PNPLA3: variants seen among roughly 807,000 people sequenced by gnomAD.
PNPLA3 encodes the protein 1-acylglycerol-3-phosphate O-acyltransferase PNPLA3.
A neutral mutation model predicts 43.1 loss-of-function variants in PNPLA3; 42 were observed. The observed-to-expected ratio is 0.97, with a 90% CI of 0.76 to 1.26. The LOEUF (loss-of-function observed/expected upper bound fraction) is 1.26. Among genes scored for constraint, PNPLA3 ranks in the 50% most tolerant of loss-of-function variants. PNPLA3 has a pLI of 0.00. For missense variants in PNPLA3, 647 were observed against 621.4 expected, an observed-to-expected ratio of 1.04 and a Z score of -0.44; for synonymous variants, 272 against 253.6, an observed-to-expected ratio of 1.07 and a Z score of -0.69.
intron 1 of PNPLA3, among the ~76,000 whole-genome samples, chr22:43,924,652 C>CT (rs537111274): frequency 0.013 from 1,938 of 145,200 alleles, 19 homozygotes; most frequent in South Asian, 0.021. Context: ...TTCTTTTTTT[C>CT]TTTTTTTTTT....
At chr22:43,924,204 G>T in intron 1 of PNPLA3, 106 bp downstream of exon 1, 2 of 1,260,370 alleles carry the variant, frequency 1.6e-6, no homozygotes, top group Non-Finnish European at 2.1e-6. Context: ...AGCGGGCATC[G>T]GACGCGGACA....
chr22:43,939,240 C>A, intron 6 of PNPLA3: 1 of 349,896 alleles, frequency 2.9e-6, no homozygotes, highest in Non-Finnish European at 4.0e-6. Context: ...GTAGCTGTTT[C>A]TGTGCACATT....
intron 5 of PNPLA3, among the ~76,000 whole-genome samples, chr22:43,935,898 C>T (rs13056638): frequency 4.6e-5 from 7 of 151,836 alleles, no homozygotes; most frequent in Admixed American, 1.3e-4. Context: ...GGACAGGAAG[C>T]GAGATACCAG....
intron 7 of PNPLA3, among the ~76,000 whole-genome samples, chr22:43,943,633 T>A (rs1239218551): frequency 6.6e-6 from 1 of 152,230 alleles, no homozygotes; most frequent in East Asian, 1.9e-4. Flanking sequence ...CTCGTAAGGC[T>A]GCGCTTGTAC....
At chr22:43,942,980 G>A (rs564374248) in intron 7 of PNPLA3, among the ~76,000 whole-genome samples, 9 of 152,036 alleles carry the variant, frequency 5.9e-5, no homozygotes, top group Non-Finnish European at 1.2e-4. Context: ...TTGGATTCCT[G>A]TCTCCGTGTC....
intron 7 of PNPLA3, among the ~76,000 whole-genome samples, chr22:43,942,701 CTTTTTTT>C (rs398037291): frequency 2.2e-4 from 25 of 113,680 alleles, no homozygotes; most frequent in Admixed American, 5.4e-4. Context: ...TTTCTTTTTT[CTTTTTTT>C]TTTTTTTTTT....
Position 43,924,027 on chromosome 22 carries a change from A to G in PNPLA3, c.116A>G (p.Asp39Gly). 6.3e-7 allele frequency: 1 copy of G among 1,582,006 alleles called. No individual in the cohort carries two copies. The highest frequency in any genetic ancestry group is 8.5e-7 in the Non-Finnish European group (1 of 1,172,990). The change falls in exon 1 of 9, where the codon GAC becomes GGC. Residue 39 changes from aspartate (D) to glycine (G), a missense_variant. Transcript: ENST00000216180. The part of the protein sequence containing the change: ...LSEHAPHLLR[D>G]ARMLFGASAG... Reference sequence around the variant, plus strand: ...GAGCACGCCCCGCACCTCCTCCGCGACGCGCGCATGTTGTTCGGCGCTTCG... The same window carrying G: ...GAGCACGCCCCGCACCTCCTCCGCGGCGCGCGCATGTTGTTCGGCGCTTCG...
At chr22:43,930,228 A>G (rs2049953262) in intron 3 of PNPLA3, among the ~76,000 whole-genome samples, 1 of 152,134 alleles carries the variant, frequency 6.6e-6, no homozygotes, top group Admixed American at 6.5e-5. Flanking sequence ...GGAACTTGAG[A>G]GTCATACTTG....
chr22:43,946,424 C>T lies in PNPLA3; in HGVS notation c.*42C>T. On this transcript the variant is annotated 3_prime_UTR_variant, in exon 9 of 9. Transcript: ENST00000216180. ...AGTCTAGCAGATTCTTTCAGAGGTG[C>T]TAAAGTTTCCCATCTTTGTGCAGCT... The T allele has an allele frequency of 1.3e-6, 2 of 1,570,070 alleles. No homozygotes were observed. Among genetic ancestry groups the T allele is most frequent in the Non-Finnish European group, 8.8e-7 (1 of 1,140,362 alleles).
chr22:43,929,682 C>T lies in PNPLA3; in HGVS notation c.486+793C>T, dbSNP rs2049949243. On this transcript the variant is annotated intron_variant, in intron 3 of 8. Transcript: ENST00000216180. Reference sequence around the variant, plus strand: ...TGCAATCTCGGCTCACTGCAACCTCCACCTCACAGGTTCAGGCAATTCTCC... The same window carrying T: ...TGCAATCTCGGCTCACTGCAACCTCTACCTCACAGGTTCAGGCAATTCTCC... Among the ~76,000 whole-genome samples, 5 of 150,024 alleles carry T rather than the reference C, an allele frequency of 3.3e-5. No homozygotes were observed. In the South Asian group the frequency reaches 1.1e-3, roughly 32 times the overall value.
rs746640250 is a variant in PNPLA3 at position 43,947,450 on chromosome 22, C to T, written c.*1068C>T. On this transcript the variant is annotated 3_prime_UTR_variant, in exon 9 of 9. Coordinates refer to ENST00000216180, the MANE Select transcript of PNPLA3 (RefSeq NM_025225.3). ...AGGAGCCAAGCACAGCAGGAGCTTC[C>T]GCCTCCTCTCCACTGGAGCACACAA... is the stretch of plus-strand genomic sequence containing the variant. The T allele has an allele frequency of 5.6e-4, 88 of 157,366 alleles. No individual in the cohort carries two copies. Among genetic ancestry groups the T allele is most frequent in the Admixed American group, 9.1e-4 (14 of 15,376 alleles). 9.7% of individuals were successfully genotyped at this position (157,366 alleles called of 1,614,324 possible). A position where few individuals can be genotyped will look rare whatever the true frequency, so the allele number is the denominator to read the frequency against.
intron 4 of PNPLA3, 122 bp from the exon 5 acceptor site, chr22:43,934,484 C>T (rs2049982311): frequency 9.7e-7 from 1 of 1,029,388 alleles, no homozygotes; most frequent in Admixed American, 1.9e-5. Context: ...GCTCAGTGCC[C>T]CCAGCCAGCA....
Position 43,926,949 on chromosome 22 carries a change from G to T in PNPLA3, c.202G>T (p.Val68Phe), listed in dbSNP as rs1340797251. 5.0e-6 allele frequency: 8 copies of T among 1,614,154 alleles called. No individual in the cohort carries two copies. The highest frequency in any genetic ancestry group is 6.8e-6 in the Non-Finnish European group (8 of 1,179,994). Reference sequence around the variant, plus strand: ...CCTGTCCCCAGAGCAGACTCTGCAGGTCCTCTCAGATCTTGTGCGGAAGGC... The same window carrying T: ...CCTGTCCCCAGAGCAGACTCTGCAGTTCCTCTCAGATCTTGTGCGGAAGGC... ...SGIPLEQTLQ[V>F]LSDLVRKARS... The change falls in exon 2 of 9, where the codon GTC becomes TTC. Residue 68 changes from valine to phenylalanine, a missense_variant. Transcript: ENST00000216180.
Position 43,946,453 on chromosome 22 carries a change from T to A in PNPLA3, c.*71T>A. 7.2e-7 allele frequency: 1 copy of A among 1,395,900 alleles called. No individual in the cohort carries two copies. The highest frequency in any genetic ancestry group is 1.0e-6 in the Non-Finnish European group (1 of 985,012). 86.5% of individuals were successfully genotyped at this position (1,395,900 alleles called of 1,614,324 possible). A position where few individuals can be genotyped will look rare whatever the true frequency, so the allele number is the denominator to read the frequency against. On this transcript the variant is annotated 3_prime_UTR_variant, in exon 9 of 9. Transcript: ENST00000216180. ...AGTTTCCCATCTTTGTGCAGCTACC[T>A]CCGCATTGCTGTGTAGTGACCCCTG...
chr22:43,933,680 A>T lies in PNPLA3; in HGVS notation c.696+593A>T, dbSNP rs113792109. 8.5e-3 allele frequency among the ~76,000 whole-genome samples: 1,298 copies of T among 152,280 alleles called. 26 individuals are homozygous for T. Among genetic ancestry groups the T allele is most frequent in the African/African-American group, 0.03 (1,232 of 41,554 alleles). On this transcript the variant is annotated intron_variant, in intron 4 of 8. Coordinates refer to ENST00000216180, the MANE Select transcript of PNPLA3 (RefSeq NM_025225.3). ...TGAGCCATTGTACCCAGCCACTAAG[A>T]TGATTCTTATTTGGAAACACGGTCA...
chr22:43,936,096 TG>T (rs894701019), intron 5 of PNPLA3, among the ~76,000 whole-genome samples: 9 of 151,914 alleles, frequency 5.9e-5, no homozygotes, highest in African/African-American at 2.2e-4. Context: ...CAAGGGGAGA[TG>T]GGGAGATGTG....
chr22:43,930,892 G>A (rs748013850), intron 3 of PNPLA3, among the ~76,000 whole-genome samples: 6 of 152,162 alleles, frequency 3.9e-5, no homozygotes, highest in African/African-American at 1.2e-4. Context: ...GTACCAGGCC[G>A]AGGTGGGTGG....
Position 43,933,078 on chromosome 22 carries a change from G to T in PNPLA3, c.687G>T (p.Pro229=), listed in dbSNP as rs557482338. The change falls in exon 4 of 9, where the codon CCG becomes CCT. Residue 229 remains proline, a synonymous_variant. Transcript: ENST00000216180. The part of the protein sequence containing the change: ...LYLLSRAFVP[P]DLKVLGEICL... ...TTCTCTCGAGAGCTTTTGTCCCCCC[G>T]GATCTCAAGGTGAGTTGGTGGTGAG... is the stretch of plus-strand genomic sequence containing the variant. 1.2e-6 allele frequency: 2 copies of T among 1,613,472 alleles called. No homozygotes were observed. The highest frequency in any genetic ancestry group is 1.7e-6 in the Non-Finnish European group (2 of 1,179,958).
Position 43,940,027 on chromosome 22 carries a change from C to T in PNPLA3, c.1014C>T (p.Tyr338=), listed in dbSNP as rs2050021189. 3 of 1,613,974 alleles carry T rather than the reference C, an allele frequency of 1.9e-6. No individual in the cohort carries two copies. Among genetic ancestry groups the T allele is most frequent in the Non-Finnish European group, 2.5e-6 (3 of 1,179,964 alleles). ...LSEEMKDKGG[Y]MSKICNLLPI... is the part of the protein sequence containing the mutation. ...AAGAAATGAAAGACAAAGGTGGATACATGAGCAAGATTTGCAACTTGCTAC... is the reference window on the plus strand; with the variant it reads ...AAGAAATGAAAGACAAAGGTGGATATATGAGCAAGATTTGCAACTTGCTAC... Residue 338 remains tyrosine (Y), a synonymous_variant, in exon 7 of 9, where the codon TAC becomes TAT. Transcript: ENST00000216180.
Sources: gnomAD v4.1 joint callset for allele counts (sites outside exome capture counted in the v4.1 genomes callset) on GRCh38, gnomAD v4.1.1 for gene constraint, MANE v1.5 for transcripts, NCBI Gene and HGNC (gene_info 2026-07-23, HGNC 2026-07-21) for gene names.